The following ZNF33B variants were observed in gnomAD, a reference collection of about 807,000 sequenced individuals.
The protein encoded by ZNF33B is zinc finger protein 33B, also known as zinc finger protein 11b (KOX 2).
Under a neutral mutation model 45.8 loss-of-function variants are expected in ZNF33B, and 29 were observed. The observed-to-expected ratio is 0.63, with a 90% CI of 0.47 to 0.86. The LOEUF (loss-of-function observed/expected upper bound fraction) is 0.86, where lower values mean the gene tolerates loss of function less well. ZNF33B is among the 40% of genes least tolerant of loss of function. ZNF33B has a pLI of 0.00. For synonymous variants in ZNF33B, 305 were observed against 307.8 expected (o/e 0.99, Z 0.10); for missense variants, 831 against 909.9 (o/e 0.91, Z 1.12).
chr10:42,596,309 T>C (rs1209997540), intron 4 of ZNF33B, among the ~76,000 whole-genome samples: 2 of 152,122 alleles, frequency 1.3e-5, no homozygotes, highest in East Asian at 1.9e-4. Context: ...GATGTTAAAA[T>C]TGAAGAAAAA....
intron 2 of ZNF33B, among the ~76,000 whole-genome samples, chr10:42,635,746 G>C (rs1401374091): frequency 1.3e-5 from 2 of 150,166 alleles, no homozygotes; most frequent in African/African-American, 4.9e-5. Flanking sequence ...GGAATCGGAG[G>C]TTGCAGTGAG....
chr10:42,622,728 A>ATC (rs1217403526), intron 4 of ZNF33B, among the ~76,000 whole-genome samples: 1 of 152,200 alleles, frequency 6.6e-6, no homozygotes, highest in Non-Finnish European at 1.5e-5. Context: ...TAATGGTGAT[A>ATC]GAGTTTCTGT....
chr10:42,619,086 G>A (rs1184208694), intron 4 of ZNF33B, among the ~76,000 whole-genome samples: 1 of 151,548 alleles, frequency 6.6e-6, no homozygotes, highest in African/African-American at 2.4e-5. Context: ...ATAATCAAAT[G>A]GTGGAGTACA....
chr10:42,638,563 A>C lies in ZNF33B; in HGVS notation c.-134T>G. On this transcript the variant is annotated 5_prime_UTR_variant, in exon 1 of 5. Coordinates refer to ENST00000359467, the MANE Select transcript of ZNF33B (RefSeq NM_006955.3). Reference sequence around the variant, plus strand: ...GCCTCCCACGCAAAACGTGAGACAAACAAAAGGAAAGGCGGAAACGCAGAA... The same window carrying C: ...GCCTCCCACGCAAAACGTGAGACAACCAAAAGGAAAGGCGGAAACGCAGAA... The C allele has an allele frequency of 2.1e-6, 1 of 475,376 alleles. No homozygotes were observed. Among genetic ancestry groups the C allele is most frequent in the South Asian group, 1.5e-5 (1 of 66,646 alleles). The allele number at this position is 475,376 out of a possible 1,614,324, so 29.4% of individuals were successfully genotyped here.
At chr10:42,628,018 T>TA (rs1838887847) in intron 4 of ZNF33B, among the ~76,000 whole-genome samples, 1 of 152,152 alleles carries the variant, frequency 6.6e-6, no homozygotes, top group Non-Finnish European at 1.5e-5. Context: ...TGGGCACTAT[T>TA]CTTTTTCCTT....
downstream of ZNF33B, among the ~76,000 whole-genome samples, chr10:42,586,781 G>A (rs1836944851): frequency 6.6e-6 from 1 of 152,210 alleles, no homozygotes; most frequent in Admixed American, 6.5e-5. Flanking sequence ...TGAGAGTGTA[G>A]CATGGCCAAA....
intron 2 of ZNF33B, 171 bp downstream of exon 2, chr10:42,636,749 G>T: frequency 1.2e-6 from 1 of 814,826 alleles, no homozygotes; most frequent in Non-Finnish European, 1.9e-6. Context: ...GAACCCAGGA[G>T]GCAGAGGTTG....
chr10:42,601,718 C>T (rs1252956565), intron 4 of ZNF33B, among the ~76,000 whole-genome samples: 1 of 151,870 alleles, frequency 6.6e-6, no homozygotes, highest in Admixed American at 6.6e-5. Flanking sequence ...GTGATCCACC[C>T]ACCTTGGCTT....
intron 4 of ZNF33B, among the ~76,000 whole-genome samples, chr10:42,624,720 A>G (rs1838727461): frequency 6.6e-6 from 1 of 150,530 alleles, no homozygotes; most frequent in African/African-American, 2.5e-5. Flanking sequence ...TTACTAAGTA[A>G]TTAACTCATG....
chr10:42,635,016 GCAGGCGA>G (rs1839223663), intron 2 of ZNF33B, among the ~76,000 whole-genome samples: 2 of 152,178 alleles, frequency 1.3e-5, no homozygotes, highest in South Asian at 2.1e-4. Flanking sequence ...GGAAGCCAAG[GCAGGCGA>G]ATCACTTGAG....
intron 4 of ZNF33B, among the ~76,000 whole-genome samples, chr10:42,595,008 G>A (rs1226606136): frequency 6.6e-6 from 1 of 152,166 alleles, no homozygotes; most frequent in African/African-American, 2.4e-5. Context: ...ATTTCCCCAT[G>A]CATCTCCCCA....
intron 1 of ZNF33B, among the ~76,000 whole-genome samples, chr10:42,577,313 C>CT (rs1236767098): frequency 1.3e-5 from 2 of 152,122 alleles, no homozygotes; most frequent in East Asian, 3.9e-4. Context: ...CTCCTCCAGT[C>CT]TTTGACAGAG....
chr10:42,598,914 GA>G (rs1564503530), intron 4 of ZNF33B, among the ~76,000 whole-genome samples: 1 of 152,162 alleles, frequency 6.6e-6, no homozygotes, highest in African/African-American at 2.4e-5. Context: ...AATGATTTAG[GA>G]AGTATTCCCT....
At chr10:42,596,779 C>T (rs1837418623) in intron 4 of ZNF33B, among the ~76,000 whole-genome samples, 1 of 151,934 alleles carries the variant, frequency 6.6e-6, no homozygotes, top group African/African-American at 2.4e-5. Context: ...ATATTTTTCT[C>T]CTGTCACCTA....
rs145466106 is a variant in ZNF33B, at chr10:42,598,340, C to T, written c.251-3641G>A. 1.6e-4 allele frequency among the ~76,000 whole-genome samples: 25 copies of T among 152,364 alleles called. No homozygotes were observed. The East Asian group carries it at 4.4e-3, about 27-fold the overall frequency. On this transcript the variant is annotated intron_variant, in intron 4 of 4. Coordinates refer to ENST00000359467, the MANE Select transcript of ZNF33B (RefSeq NM_006955.3). The stretch of plus-strand genomic sequence containing the variant: ...TTAGGGGAGAGACAAACCAGCCTCA[C>T]GCTGTGGGTCCTCTCTGGGTTGCAA...
chr10:42,617,683 A>G (rs1280541772), intron 4 of ZNF33B, among the ~76,000 whole-genome samples: 1 of 152,172 alleles, frequency 6.6e-6, no homozygotes, highest in Non-Finnish European at 1.5e-5. Flanking sequence ...GATCCCACAC[A>G]TGGTAACTAC....
At chr10:42,637,114 G>C (rs1028220525) in intron 1 of ZNF33B, 142 bp from the exon 2 acceptor site, 2 of 721,824 alleles carry the variant, frequency 2.8e-6, no homozygotes, top group East Asian at 2.6e-5. Context: ...TGACACTTCG[G>C]AATAGGGGGT....
At chr10:42,581,875 G>A (rs181035939) in intron 1 of ZNF33B, 2 of 152,290 alleles carry the variant, frequency 1.3e-5, no homozygotes, top group Non-Finnish European at 2.9e-5. Flanking sequence ...AGCACTTTAG[G>A]AGGCCGAGGC....
intron 1 of ZNF33B, among the ~76,000 whole-genome samples, chr10:42,581,292 C>A (rs961860597): frequency 4.0e-5 from 6 of 151,650 alleles, no homozygotes; most frequent in Admixed American, 6.6e-5. Flanking sequence ...CATGGTGAAA[C>A]CTCGTTACTA....
Sources: gnomAD v4.1 joint callset for allele counts (sites outside exome capture counted in the v4.1 genomes callset) on GRCh38, gnomAD v4.1.1 for gene constraint, MANE v1.5 for transcripts, NCBI Gene and HGNC (gene_info 2026-07-23, HGNC 2026-07-21) for gene names.